FMN2: variants seen among roughly 807,000 people sequenced by gnomAD.
The protein encoded by FMN2 is formin 2.
In FMN2, 51 loss-of-function variants were observed where a neutral mutation model predicts 142.3. The observed-to-expected ratio is 0.36, with a 90% CI of 0.29 to 0.45. The LOEUF (loss-of-function observed/expected upper bound fraction) is 0.45. FMN2 is among the 20% of genes least tolerant of loss of function. The pLI is 1.00. For missense variants in FMN2, 1,936 were observed against 2,122.8 expected, an observed-to-expected ratio of 0.91 and a Z score of 1.73; for synonymous variants, 882 against 869.8, an observed-to-expected ratio of 1.01 and a Z score of -0.25.
chr1:240,137,348 G>A (rs1362015791), intron 2 of FMN2, among the ~76,000 whole-genome samples: 1 of 152,128 alleles, frequency 6.6e-6, no homozygotes, highest in African/African-American at 2.4e-5. Context: ...TACAGTGCCT[G>A]TCACAACTAC....
intron 2 of FMN2, among the ~76,000 whole-genome samples, chr1:240,156,463 C>T (rs1664030263): frequency 6.6e-6 from 1 of 152,162 alleles, no homozygotes; most frequent in African/African-American, 2.4e-5. Flanking sequence ...CCATGTTGCT[C>T]TTGTTACATT....
At chr1:240,411,520 G>T (rs1041491172) in intron 15 of FMN2, among the ~76,000 whole-genome samples, 4 of 150,704 alleles carry the variant, frequency 2.7e-5, no homozygotes, top group African/African-American at 9.8e-5. Flanking sequence ...GTAGTGAGCA[G>T]AGATGGTGCC....
chr1:240,399,137 A>G (rs1422241873), intron 15 of FMN2, among the ~76,000 whole-genome samples: 1 of 152,176 alleles, frequency 6.6e-6, no homozygotes, highest in Non-Finnish European at 1.5e-5. Context: ...CTGTGAGAAA[A>G]AGAAAAACAA....
intron 6 of FMN2, among the ~76,000 whole-genome samples, chr1:240,213,660 A>C (rs1485985380): frequency 6.6e-6 from 1 of 152,240 alleles, no homozygotes; most frequent in Non-Finnish European, 1.5e-5. Context: ...AGTAAAATTA[A>C]TAGCCTTTAA....
At chr1:240,212,792 T>C (rs1230207718) in intron 6 of FMN2, among the ~76,000 whole-genome samples, 1 of 152,148 alleles carries the variant, frequency 6.6e-6, no homozygotes, top group Non-Finnish European at 1.5e-5. Context: ...GGAATATGGG[T>C]GGGGCTTACA....
intron 2 of FMN2, among the ~76,000 whole-genome samples, chr1:240,125,275 C>T (rs1452998992): frequency 1.3e-5 from 2 of 152,122 alleles, no homozygotes; most frequent in East Asian, 1.9e-4. Context: ...AAGAAAATTC[C>T]CCATGTTGTG....
rs549909502 is a variant in FMN2 at position 240,311,973 on chromosome 1, G to T, written c.4215+17090G>T. On this transcript the variant is annotated intron_variant, in intron 8 of 17. Transcript: ENST00000319653. ...CTCAAATAGCTGGAACTACAGGCAT[G>T]CATCACCATGCTGGCTTTCTCTTAT... Among the ~76,000 whole-genome samples the T allele has an allele frequency of 5.3e-5, 8 of 152,282 alleles. No homozygotes were observed. The South Asian group carries it at 1.0e-3, about 20-fold the overall frequency.
chr1:240,197,412 G>A (rs530750786), intron 4 of FMN2, among the ~76,000 whole-genome samples: 47 of 152,220 alleles, frequency 3.1e-4, no homozygotes, highest in Admixed American at 2.6e-3. Flanking sequence ...TGAACCTGCG[G>A]AGGGGGTGGA....
At chr1:240,198,892 G>A (rs1666026590) in intron 4 of FMN2, among the ~76,000 whole-genome samples, 1 of 152,110 alleles carries the variant, frequency 6.6e-6, no homozygotes, top group Non-Finnish European at 1.5e-5. Context: ...GTATCACGAT[G>A]TCAGGAGTTT....
chr1:240,176,729 T>C (rs189359434), intron 2 of FMN2, among the ~76,000 whole-genome samples: 2 of 152,328 alleles, frequency 1.3e-5, no homozygotes, highest in Non-Finnish European at 2.9e-5. Context: ...CAGTTTCTGG[T>C]GTTGGTCGAG....
intron 8 of FMN2, among the ~76,000 whole-genome samples, chr1:240,311,430 A>T (rs1307212901): frequency 6.6e-6 from 1 of 152,166 alleles, no homozygotes; most frequent in East Asian, 1.9e-4. Flanking sequence ...TTCCCCACAT[A>T]GCTGTTTTAA....
intron 1 of FMN2, among the ~76,000 whole-genome samples, chr1:240,119,051 C>T (rs866247976): frequency 6.7e-4 from 101 of 151,502 alleles, no homozygotes; most frequent in African/African-American, 2.3e-3. Flanking sequence ...TCCACCTGGC[C>T]GGGCGTGGTG....
intron 3 of FMN2, among the ~76,000 whole-genome samples, chr1:240,184,443 C>T (rs1183871371): frequency 6.6e-6 from 1 of 150,562 alleles, no homozygotes; most frequent in Non-Finnish European, 1.5e-5. Context: ...ACCGTATTGG[C>T]CTGACCTTGT....
rs1676886217 is a variant in FMN2, at chr1:240,473,768, A to C, written c.5143-360A>C. ...CTCAATCTTGCTATTATGAGTACAG[A>C]AGATAATTAGAGTACATTTACCATG... On this transcript the variant is annotated intron_variant, in intron 17 of 17. Transcript: ENST00000319653. The surrounding 1 kb of genome is among the most constrained non-coding windows in gnomAD (Gnocchi z 4.3). Among the ~76,000 whole-genome samples the C allele has an allele frequency of 6.6e-6, 1 of 152,210 alleles. No homozygotes were observed.
Position 240,207,970 on chromosome 1 carries a change from C to T in FMN2, c.3158C>T (p.Pro1053Leu). The change falls in exon 5 of 18, where the codon CCC becomes CTC. Residue 1053 changes from proline (P) to leucine (L), a missense_variant. Pro to Leu is a moderately conservative substitution (Grantham distance 98). Transcript: ENST00000319653. ...CCCCCACTTCCCGGAGCGGGCATAC[C>T]CCCTCCTCCCCCTCTTCCCGGAGCG... Reference protein sequence around the residue: ...PPPPLPGAGIPPPPPLPGAGI... With the variant: ...PPPPLPGAGILPPPPLPGAGI... 1 of 397,628 alleles carries T rather than the reference C, an allele frequency of 2.5e-6. No homozygotes were observed. The highest frequency in any genetic ancestry group is 4.2e-6 in the Non-Finnish European group (1 of 236,716). 24.6% of individuals were successfully genotyped at this position (397,628 alleles called of 1,614,324 possible).
chr1:240,329,848 C>A (rs7520694), intron 10 of FMN2, among the ~76,000 whole-genome samples: 1 of 151,672 alleles, frequency 6.6e-6, no homozygotes, highest in Non-Finnish European at 1.5e-5. Context: ...TCTCCACAAA[C>A]TGTTAATAAT....
At chr1:240,193,425 C>A (rs1457009207) in intron 4 of FMN2, among the ~76,000 whole-genome samples, 1 of 152,148 alleles carries the variant, frequency 6.6e-6, no homozygotes, top group African/African-American at 2.4e-5. Flanking sequence ...ATAAACTTAA[C>A]AAAAAGGGTG....
intron 2 of FMN2, among the ~76,000 whole-genome samples, chr1:240,134,357 C>T (rs1025589840): frequency 2.6e-5 from 4 of 152,120 alleles, no homozygotes; most frequent in Middle Eastern, 3.2e-3. Context: ...GTGGCTCACA[C>T]CTGTAATCCC....
chr1:240,458,877 T>C (rs887075184), intron 16 of FMN2: 3 of 152,140 alleles, frequency 2.0e-5, no homozygotes, highest in South Asian at 2.1e-4. Context: ...ATTCTTAGAA[T>C]GTACAGAAAG....
Sources: gnomAD v4.1 joint callset for allele counts (sites outside exome capture counted in the v4.1 genomes callset) on GRCh38, gnomAD v4.1.1 for gene constraint, Gnocchi (gnomAD v3.1) non-coding constraint, MANE v1.5 for transcripts, NCBI Gene and HGNC (gene_info 2026-07-23, HGNC 2026-07-21) for gene names.